The following HIVEP2 variants were observed in gnomAD, a reference collection of about 807,000 sequenced individuals.
HIVEP2 encodes the protein HIVEP zinc finger 2, also known as transcription factor HIVEP2.
Under a neutral mutation model 180.7 loss-of-function variants are expected in HIVEP2, and 14 were observed. That is an observed-to-expected ratio of 0.08 (90% CI 0.05 to 0.12). HIVEP2 has a LOEUF of 0.12. HIVEP2 is among the 10% of genes least tolerant of loss of function. HIVEP2 has a pLI of 1.00. For synonymous variants in HIVEP2, 1,184 were observed against 1,136.4 expected (o/e 1.04, Z -0.84); for missense variants, 2,579 against 3,008.5 (o/e 0.86, Z 3.34).
chr6:142,862,194 A>C (rs1582921476), intron 1 of HIVEP2, among the ~76,000 whole-genome samples: 2 of 152,214 alleles, frequency 1.3e-5, no homozygotes, highest in African/African-American at 4.8e-5. Context: ...TGACTAACAT[A>C]TTTACAAGAA....
intron 9 of HIVEP2, among the ~76,000 whole-genome samples, chr6:142,759,300 C>T (rs1036559975): frequency 4.8e-5 from 7 of 146,344 alleles, no homozygotes; most frequent in African/African-American, 1.2e-4. Context: ...GAGACCCTGT[C>T]TCAAAAAAAA....
intron 1 of HIVEP2, among the ~76,000 whole-genome samples, chr6:142,863,069 GT>G (rs894167649): frequency 7.5e-6 from 1 of 132,802 alleles, no homozygotes; most frequent in African/African-American, 2.7e-5. Flanking sequence ...TGTAATATAT[GT>G]AATTATATGT....
chr6:142,894,429 T>C (rs1483148858), intron 1 of HIVEP2, among the ~76,000 whole-genome samples: 1 of 152,218 alleles, frequency 6.6e-6, no homozygotes, highest in Non-Finnish European at 1.5e-5. Context: ...ACAGGGGCCA[T>C]ATCTTACTCA....
intron 1 of HIVEP2, among the ~76,000 whole-genome samples, chr6:142,911,799 G>A (rs1047554331): frequency 6.6e-6 from 1 of 152,194 alleles, no homozygotes; most frequent in African/African-American, 2.4e-5. Context: ...ATGCGTATGT[G>A]TGCATGATAT....
intron 1 of HIVEP2, among the ~76,000 whole-genome samples, chr6:142,903,963 C>T (rs1394250280): frequency 6.6e-6 from 1 of 152,000 alleles, no homozygotes; most frequent in Non-Finnish European, 1.5e-5. Context: ...CTAACAGTGA[C>T]AGATCATTTT....
chr6:142,901,415 C>T (rs1177083336), intron 1 of HIVEP2, among the ~76,000 whole-genome samples: 2 of 152,134 alleles, frequency 1.3e-5, no homozygotes, highest in Admixed American at 6.5e-5. Context: ...ATATCTAGAA[C>T]GCTTTTGCAA....
At chr6:142,926,693 G>A (rs1777819223) in intron 1 of HIVEP2, among the ~76,000 whole-genome samples, 1 of 152,170 alleles carries the variant, frequency 6.6e-6, no homozygotes, top group African/African-American at 2.4e-5. Flanking sequence ...ACTGTCCCCT[G>A]ACCCCCGGGC....
chr6:142,811,216 A>T (rs1464993317), intron 2 of HIVEP2, among the ~76,000 whole-genome samples: 1 of 152,124 alleles, frequency 6.6e-6, no homozygotes, highest in Non-Finnish European at 1.5e-5. Context: ...AGACAGAGAG[A>T]GAGAGAGACA....
At chr6:142,825,507 T>A (rs1213733329) in intron 2 of HIVEP2, among the ~76,000 whole-genome samples, 1 of 152,156 alleles carries the variant, frequency 6.6e-6, no homozygotes, top group Non-Finnish European at 1.5e-5. Flanking sequence ...GCCATGATAT[T>A]GATATTATTC....
rs180898234 is a variant in HIVEP2 at position 142,779,298 on chromosome 6, A to G, written c.-432-3107T>C. 9.2e-5 allele frequency among the ~76,000 whole-genome samples: 14 copies of G among 152,284 alleles called. No homozygotes were observed. In the East Asian group the frequency reaches 2.7e-3, roughly 29 times the overall value. On this transcript the variant is annotated intron_variant, in intron 3 of 9. Transcript: ENST00000367603. Reference sequence around the variant, plus strand: ...TGTATCATTTTCTATCTTTTGGTTGACACAGAATATATAATTTTGCTCAAA... The same window carrying G: ...TGTATCATTTTCTATCTTTTGGTTGGCACAGAATATATAATTTTGCTCAAA...
In HIVEP2 at chr6:142,772,462, G is replaced by C. The variant is rs753182819; in HGVS notation, c.2277C>G (p.Asp759Glu). The C allele has an allele frequency of 1.2e-6, 2 of 1,614,208 alleles. No homozygotes were observed. Among genetic ancestry groups the C allele is most frequent in the South Asian group, 2.2e-5 (2 of 91,082 alleles). The change falls in exon 5 of 10, where the codon GAC becomes GAG. Residue 759 changes from aspartate to glutamate, a missense_variant. Physicochemically the swap from Asp to Glu is conservative, Grantham distance 45 (BLOSUM62 2). This residue lies in a region of HIVEP2 where 524 missense variants were observed against 563.6 expected (regional missense o/e 0.93). Coordinates refer to ENST00000367603, the MANE Select transcript of HIVEP2 (RefSeq NM_006734.4). The surrounding 1 kb of genome is among the most constrained non-coding windows in gnomAD (Gnocchi z 4.9). ...NLSHGHTERF[D>E]PCRPQLQPGS... ...CAGGCTGCAGTTGGGGCCGACATGG[G>C]TCAAAGCGTTCCGTGTGACCATGAG...
At chr6:142,862,757 TATTATGTAATATATTATATGTA>T (rs1455827980) in intron 1 of HIVEP2, among the ~76,000 whole-genome samples, 1 of 136,914 alleles carries the variant, frequency 7.3e-6, no homozygotes, top group Non-Finnish European at 1.5e-5. Flanking sequence ...ACATTACATA[TATTATGTAATATATTATATGTA>T]ATTATATTAC....
intron 1 of HIVEP2, among the ~76,000 whole-genome samples, chr6:142,879,306 G>A (rs1463561350): frequency 6.6e-6 from 1 of 152,174 alleles, no homozygotes; most frequent in African/African-American, 2.4e-5. Flanking sequence ...AGAGGCTGTA[G>A]TAGACCAGGC....
chr6:142,938,931 G>A (rs1778113639), intron 1 of HIVEP2, among the ~76,000 whole-genome samples: 1 of 152,152 alleles, frequency 6.6e-6, no homozygotes, highest in Non-Finnish European at 1.5e-5. Context: ...TTAAAAAGCA[G>A]TATTCCAGTT....
At chr6:142,793,629 T>TTTCCTTCC (rs60970953) in intron 2 of HIVEP2, among the ~76,000 whole-genome samples, 22 of 111,682 alleles carry the variant, frequency 2.0e-4, no homozygotes, top group Admixed American at 1.3e-3. Flanking sequence ...CTTCTCTTTC[T>TTTCCTTCC]TTCTTTCTTT....
Position 142,771,035 on chromosome 6 carries a change from G to C in HIVEP2, c.3704C>G (p.Ala1235Gly), listed in dbSNP as rs769072051. Residue 1235 changes from alanine (A) to glycine (G), a missense_variant, in exon 5 of 10, where the codon GCT becomes GGT. Around this residue, in one of 11 missense-constraint regions of HIVEP2, gnomAD observed 523 missense variants for 577.0 expected, o/e 0.91. Transcript: ENST00000367603. This position sits in a 1 kb window ranked among gnomAD's most constrained non-coding sequence, Gnocchi z 5.4. The stretch of plus-strand genomic sequence containing the variant: ...GCCATAGCTCTTCTGAGGGTGCTGA[G>C]CAAAGGGATGTGGGAAATGTGCCTG... ...WWQAHFPHPF[A>G]QHPQKSYGKP... 2 of 1,614,204 alleles carry C rather than the reference G, an allele frequency of 1.2e-6. No individual in the cohort carries two copies. Among genetic ancestry groups the C allele is most frequent in the South Asian group, 2.2e-5 (2 of 91,084 alleles).
At chr6:142,759,038 A>C (rs890226366) in intron 9 of HIVEP2, among the ~76,000 whole-genome samples, 2 of 152,182 alleles carry the variant, frequency 1.3e-5, no homozygotes, top group Admixed American at 6.5e-5. Context: ...GCAGTGGCTC[A>C]TGTCTGTAAT....
chr6:142,768,699 G>C (rs1345080017), intron 5 of HIVEP2, among the ~76,000 whole-genome samples, 163 bp from the exon 6 acceptor site: 1 of 152,010 alleles, frequency 6.6e-6, no homozygotes, highest in African/African-American at 2.4e-5. Context: ...AATCAGATAA[G>C]AATGACAGTT....
In HIVEP2 at chr6:142,825,509, A is replaced by G. The variant is rs187627604; in HGVS notation, c.-528+11426T>C. ...CACTCACATTGTTGCCATGATATTG[A>G]TATTATTCAATTTAGAAATCTCTTA... On this transcript the variant is annotated intron_variant, in intron 2 of 9. Transcript: ENST00000367603. Among the ~76,000 whole-genome samples, 32 of 152,336 alleles carry G rather than the reference A, an allele frequency of 2.1e-4. 1 individual carries two copies. The East Asian group carries it at 6.2e-3, about 29-fold the overall frequency.
Sources: gnomAD v4.1 joint callset for allele counts (sites outside exome capture counted in the v4.1 genomes callset) on GRCh38, gnomAD v4.1.1 for gene constraint, gnomAD v4.1.1 regional missense constraint, Gnocchi (gnomAD v3.1) non-coding constraint, MANE v1.5 for transcripts, NCBI Gene and HGNC (gene_info 2026-07-23, HGNC 2026-07-21) for gene names.